UBE2E2: variants seen among roughly 807,000 people sequenced by gnomAD.
UBE2E2 encodes ubiquitin-conjugating enzyme E2 E2.
In UBE2E2, 6 loss-of-function variants were observed where a neutral mutation model predicts 24.7. The ratio of observed to expected loss-of-function variants is 0.24; its 90% CI spans 0.13 to 0.48. The LOEUF (loss-of-function observed/expected upper bound fraction) is 0.48, where lower values mean the gene tolerates loss of function less well. Ranked by LOEUF, UBE2E2 falls within the 20% of genes least tolerant of loss-of-function variation. UBE2E2 has a pLI of 0.99. For synonymous variants in UBE2E2, 104 were observed against 83.6 expected (o/e 1.24, Z -1.33); for missense variants, 169 against 245.0 (o/e 0.69, Z 2.07).
chr3:23,531,430 G>A (rs536492758), intron 4 of UBE2E2, among the ~76,000 whole-genome samples: 2 of 152,006 alleles, frequency 1.3e-5, no homozygotes, highest in Non-Finnish European at 2.9e-5. Context: ...AACAGTTTTA[G>A]TAGTTATAAA....
chr3:23,314,720 T>C (rs997892832), intron 3 of UBE2E2, among the ~76,000 whole-genome samples: 1 of 152,222 alleles, frequency 6.6e-6, no homozygotes, highest in African/African-American at 2.4e-5. Context: ...TAACCAGATA[T>C]GCTTTTCTGA....
At chr3:23,371,516 A>T (rs1304286703) in intron 3 of UBE2E2, among the ~76,000 whole-genome samples, 4 of 152,200 alleles carry the variant, frequency 2.6e-5, no homozygotes, top group Non-Finnish European at 5.9e-5. Context: ...AATTATTGAC[A>T]TCCTTGAAAT....
rs569959202 is a variant in UBE2E2 at position 23,474,145 on chromosome 3, T to C, written c.228-25463T>C. Among the ~76,000 whole-genome samples the C allele has an allele frequency of 2.0e-4, 30 of 152,182 alleles. No homozygotes were observed. In the East Asian group the frequency reaches 4.6e-3, roughly 23 times the overall value. ...TGCATTTCCCTGATCATTAGTGATGTTGAGCATTTTTTCATATGTTTGTTG... is the reference window on the plus strand; with the variant it reads ...TGCATTTCCCTGATCATTAGTGATGCTGAGCATTTTTTCATATGTTTGTTG... On this transcript the variant is annotated intron_variant, in intron 3 of 5. Transcript: ENST00000396703. This position sits in a 1 kb window ranked among gnomAD's most constrained non-coding sequence, Gnocchi z 4.0.
At chr3:23,296,811 T>C (rs1341208012) in intron 3 of UBE2E2, among the ~76,000 whole-genome samples, 1 of 152,236 alleles carries the variant, frequency 6.6e-6, no homozygotes, top group African/African-American at 2.4e-5. Context: ...TATAATCCTT[T>C]GGGTATATAC....
intron 4 of UBE2E2, among the ~76,000 whole-genome samples, chr3:23,508,233 T>C (rs888239139): frequency 2.0e-5 from 3 of 152,226 alleles, no homozygotes; most frequent in East Asian, 1.9e-4. Context: ...CTTTGTGCTT[T>C]TAAAATAATG....
At chr3:23,369,903 G>A (rs1696359779) in intron 3 of UBE2E2, among the ~76,000 whole-genome samples, 1 of 152,106 alleles carries the variant, frequency 6.6e-6, no homozygotes, top group African/African-American at 2.4e-5. Flanking sequence ...TTTTATAGAG[G>A]AAATTTTAGG....
intron 3 of UBE2E2, among the ~76,000 whole-genome samples, chr3:23,271,418 T>C (rs1418787862): frequency 2.0e-5 from 3 of 152,200 alleles, no homozygotes; most frequent in Non-Finnish European, 2.9e-5. Context: ...GCAAGATTTA[T>C]TGCAAAGAGC....
At chr3:23,347,622 C>T (rs894959656) in intron 3 of UBE2E2, among the ~76,000 whole-genome samples, 4 of 152,020 alleles carry the variant, frequency 2.6e-5, no homozygotes, top group Admixed American at 6.6e-5. Context: ...TTGATGGGTG[C>T]GGCAAACCAA....
At chr3:23,435,915 C>G (rs1183951861) in intron 3 of UBE2E2, among the ~76,000 whole-genome samples, 2 of 152,012 alleles carry the variant, frequency 1.3e-5, no homozygotes, top group Non-Finnish European at 1.5e-5. Context: ...GCGGGGCAGG[C>G]TGGTTTGGGG....
At chr3:23,281,716 TA>T (rs1364809267) in intron 3 of UBE2E2, among the ~76,000 whole-genome samples, 1 of 152,240 alleles carries the variant, frequency 6.6e-6, no homozygotes, top group Non-Finnish European at 1.5e-5. Context: ...ATGTTAAGAA[TA>T]AATAACCAGT....
chr3:23,423,460 A>G (rs1250986144), intron 3 of UBE2E2, among the ~76,000 whole-genome samples: 1 of 152,164 alleles, frequency 6.6e-6, no homozygotes, highest in East Asian at 1.9e-4. Context: ...TTAATATAGA[A>G]GTATGTCTGT....
chr3:23,225,551 G>T (rs2125328184), intron 3 of UBE2E2, among the ~76,000 whole-genome samples: 1 of 152,188 alleles, frequency 6.6e-6, no homozygotes, highest in East Asian at 1.9e-4. Flanking sequence ...TCGTTGAAAA[G>T]ACTATTTTTT....
intron 3 of UBE2E2, among the ~76,000 whole-genome samples, chr3:23,303,471 T>G (rs1699156926): frequency 6.6e-6 from 1 of 152,170 alleles, no homozygotes; most frequent in African/African-American, 2.4e-5. Context: ...CTGCTTTTAT[T>G]TAGAAGCATT....
intron 4 of UBE2E2, among the ~76,000 whole-genome samples, chr3:23,530,215 C>T (rs557508891): frequency 6.6e-6 from 1 of 152,194 alleles, no homozygotes; most frequent in Admixed American, 6.5e-5. Flanking sequence ...TTAAATGTTC[C>T]TTAATCATTA....
intron 4 of UBE2E2, among the ~76,000 whole-genome samples, chr3:23,511,636 G>A (rs900997515): frequency 6.6e-6 from 1 of 152,156 alleles, no homozygotes; most frequent in Non-Finnish European, 1.5e-5. Context: ...TTGAACCTAT[G>A]AATTTCCAGA....
intron 3 of UBE2E2, among the ~76,000 whole-genome samples, chr3:23,324,683 C>T (rs892002891): frequency 2.4e-4 from 36 of 151,982 alleles, no homozygotes; most frequent in African/African-American, 8.4e-4. Context: ...TTATCACAGG[C>T]ATTGATGACT....
chr3:23,228,732 T>C (rs1696892612), intron 3 of UBE2E2, among the ~76,000 whole-genome samples: 1 of 152,226 alleles, frequency 6.6e-6, no homozygotes, highest in Admixed American at 6.5e-5. Context: ...TTTAGGGACC[T>C]AATGAGATGC....
At position 23,507,759 on chromosome 3, in the gene UBE2E2, C is replaced by T. The variant is rs566904344; in HGVS notation, c.360+8019C>T. Among the ~76,000 whole-genome samples, 6 of 152,230 alleles carry T rather than the reference C, an allele frequency of 3.9e-5. No homozygotes were observed. The South Asian group carries it at 1.2e-3, about 32-fold the overall frequency. On this transcript the variant is annotated intron_variant, in intron 4 of 5. Coordinates refer to ENST00000396703, the MANE Select transcript of UBE2E2 (RefSeq NM_152653.4). ...TGAATTAATTATATCACATTATTCT[C>T]CAACCCAAGTATTTTTGAGGGGAGA...
chr3:23,264,498 C>T (rs988567259), intron 3 of UBE2E2, among the ~76,000 whole-genome samples: 1 of 152,208 alleles, frequency 6.6e-6, no homozygotes, highest in South Asian at 2.1e-4. Flanking sequence ...ATGATTTCTT[C>T]AACATCATTC....
Sources: allele counts gnomAD v4.1 joint callset (sites outside exome capture counted in the v4.1 genomes callset), GRCh38; gene constraint gnomAD v4.1.1; non-coding constraint Gnocchi (gnomAD v3.1); transcripts MANE v1.5; gene names NCBI Gene and HGNC (gene_info 2026-07-23, HGNC 2026-07-21).